TNIP1: variants seen among roughly 807,000 people sequenced by gnomAD.
TNIP1 encodes the protein TNFAIP3-interacting protein 1.
TNIP1 carries 22 observed loss-of-function variants against 86.6 expected under a neutral mutation model. That is an observed-to-expected ratio of 0.25 (90% CI 0.18 to 0.36). TNIP1 has a LOEUF of 0.36. Among genes scored for constraint, TNIP1 ranks in the 10% least tolerant of loss-of-function variants. TNIP1 has a pLI of 1.00. For synonymous variants in TNIP1, 294 were observed against 313.0 expected, an observed-to-expected ratio of 0.94 and a Z score of 0.64; for missense variants, 709 against 820.6, an observed-to-expected ratio of 0.86 and a Z score of 1.66.
At chr5:151,083,618 C>T (rs1376119473), upstream of TNIP1, among the ~76,000 whole-genome samples, 2 of 152,174 alleles carry the variant, frequency 1.3e-5, no homozygotes, top group Non-Finnish European at 2.9e-5. Flanking sequence ...AAAGCCACAC[C>T]CAGAAGGAGA....
rs917094820 is a variant in TNIP1 at position 151,030,447 on chromosome 5, G to A, written c.*266C>T. 5.2e-5 allele frequency: 29 copies of A among 561,910 alleles called. No individual in the cohort carries two copies. Among genetic ancestry groups the A allele is most frequent in the Non-Finnish European group, 8.9e-5 (28 of 315,512 alleles). 34.8% of individuals were successfully genotyped at this position (561,910 alleles called of 1,614,324 possible). Reference sequence around the variant, plus strand: ...CTGCAACGGATGGTGGGTCAAAGCCGGATGAGGCCTCTCTCCACTCAGCAG... The same window carrying A: ...CTGCAACGGATGGTGGGTCAAAGCCAGATGAGGCCTCTCTCCACTCAGCAG... On this transcript the variant is annotated 3_prime_UTR_variant, in exon 18 of 18. Transcript: ENST00000521591.
chr5:151,087,403 G>A (rs1399935476), upstream of TNIP1, among the ~76,000 whole-genome samples: 1 of 152,140 alleles, frequency 6.6e-6, no homozygotes, highest in Non-Finnish European at 1.5e-5. Flanking sequence ...TTGGAAGCCT[G>A]ATGCTTCCTC....
chr5:151,042,407 G>A, intron 11 of TNIP1, 133 bp downstream of exon 11: 1 of 1,239,130 alleles, frequency 8.1e-7, no homozygotes, highest in African/African-American at 1.5e-5. Flanking sequence ...ACGTGCCTGT[G>A]TTTTTGGTCA....
chr5:151,046,094 C>T, intron 8 of TNIP1, 144 bp from the exon 9 acceptor site: 1 of 668,312 alleles, frequency 1.5e-6, no homozygotes, highest in Non-Finnish European at 2.6e-6. Context: ...CACCACTAAC[C>T]ATCCCAGTCA....
At position 151,030,356 on chromosome 5, in the gene TNIP1, G is replaced by A. The variant is rs545119257; in HGVS notation, c.*357C>T. ...AACTAGAGGGCCTGAAACCACTTCC[G>A]GGAGGTTTTGAAGGAAGGGGGTCTT... On this transcript the variant is annotated 3_prime_UTR_variant, in exon 18 of 18. Transcript: ENST00000521591. 6.0e-4 allele frequency: 261 copies of A among 438,140 alleles called. 5 individuals are homozygous for A. The highest frequency in any genetic ancestry group is 5.2e-3 in the South Asian group (254 of 48,762). 27.1% of individuals were successfully genotyped at this position (438,140 alleles called of 1,614,324 possible).
intron 1 of TNIP1, among the ~76,000 whole-genome samples, chr5:151,067,428 G>T (rs961579957): frequency 1.3e-5 from 2 of 152,216 alleles, no homozygotes; most frequent in Non-Finnish European, 2.9e-5. Flanking sequence ...TTGTATTCCT[G>T]TCGGGAGCAC....
At chr5:151,058,695 C>T (rs571155493) in intron 5 of TNIP1, among the ~76,000 whole-genome samples, 5 of 152,170 alleles carry the variant, frequency 3.3e-5, no homozygotes, top group Admixed American at 2.6e-4. Flanking sequence ...AGCAGCCTCC[C>T]GGAAACAGTT....
At chr5:151,031,649 C>T (rs1037668387) in intron 17 of TNIP1, among the ~76,000 whole-genome samples, 6 of 152,128 alleles carry the variant, frequency 3.9e-5, no homozygotes, top group African/African-American at 9.7e-5. Context: ...CAGGCCTGCA[C>T]GGTCAGGACC....
upstream of TNIP1, among the ~76,000 whole-genome samples, chr5:151,084,269 ACC>A (rs1444988326): frequency 2.0e-5 from 3 of 151,998 alleles, no homozygotes; most frequent in Non-Finnish European, 4.4e-5. Context: ...ACATGGTGAA[ACC>A]CCGTCTCTAC....
At chr5:151,085,009 A>G (rs1764225378), upstream of TNIP1, among the ~76,000 whole-genome samples, 1 of 152,228 alleles carries the variant, frequency 6.6e-6, no homozygotes, top group African/African-American at 2.4e-5. Context: ...GCCTAAGAAG[A>G]CATTTTTAAT....
chr5:151,033,695 G>A lies in TNIP1; in HGVS notation c.1692C>T (p.Phe564=), dbSNP rs764036761. ...PMPAMVPHHG[F]EDWSQIRYPP... is the part of the protein sequence containing the mutation. ...GGTAGCGGATCTGGGACCAGTCCTC[G>A]AAGCCATGGTGTGGCACCATGGCTG... The change falls in exon 16 of 18, where the codon TTC becomes TTT. Residue 564 remains phenylalanine (F), a synonymous_variant. Coordinates refer to ENST00000521591, the MANE Select transcript of TNIP1 (RefSeq NM_006058.5). The A allele has an allele frequency of 2.2e-6, 3 of 1,353,288 alleles. No homozygotes were observed. The highest frequency in any genetic ancestry group is 2.3e-5 in the South Asian group (1 of 43,578). 83.8% of individuals were successfully genotyped at this position (1,353,288 alleles called of 1,614,324 possible). A position where few individuals can be genotyped will look rare whatever the true frequency, so the allele number is the denominator to read the frequency against.
intron 1 of TNIP1, among the ~76,000 whole-genome samples, chr5:151,079,057 A>G (rs1195600547): frequency 6.6e-6 from 1 of 152,164 alleles, no homozygotes; most frequent in East Asian, 1.9e-4. Context: ...GCCATGCCAT[A>G]CCCATGGAAC....
chr5:151,053,177 T>C (rs1760195337), intron 6 of TNIP1, among the ~76,000 whole-genome samples: 2 of 138,576 alleles, frequency 1.4e-5, no homozygotes, highest in South Asian at 4.9e-4. Flanking sequence ...TAGCATGATC[T>C]CAGCTCACTG....
At chr5:151,063,997 C>G (rs937993072) in intron 2 of TNIP1, among the ~76,000 whole-genome samples, 1 of 152,196 alleles carries the variant, frequency 6.6e-6, no homozygotes, top group African/African-American at 2.4e-5. Context: ...ATGAGAAACT[C>G]CTCGGCTCCC....
Position 151,063,717 on chromosome 5 carries a change from G to A in TNIP1, c.167C>T (p.Ala56Val), listed in dbSNP as rs775574277. 2.2e-5 allele frequency: 36 copies of A among 1,614,074 alleles called. No individual in the cohort carries two copies. The highest frequency in any genetic ancestry group is 4.4e-5 in the South Asian group (4 of 91,076). The part of the protein sequence containing the change: ...GELLEESQME[A>V]TRLRQKAEEL... Reference sequence around the variant, plus strand: ...CTCTGCCTTCTGCCGGAGCCTGGTCGCTTCCATCTGGGACTCTTCCAAAAG... The same window carrying A: ...CTCTGCCTTCTGCCGGAGCCTGGTCACTTCCATCTGGGACTCTTCCAAAAG... The change falls in exon 3 of 18, where the codon GCG (alanine) becomes GTG (valine). Residue 56 changes from alanine (A) to valine (V), a missense_variant. By Grantham distance (64) the Ala-to-Val change is moderately conservative. Transcript: ENST00000521591.
At chr5:151,063,461 A>T in intron 3 of TNIP1, 152 bp downstream of exon 3, 1 of 1,161,756 alleles carries the variant, frequency 8.6e-7, no homozygotes, top group Non-Finnish European at 1.2e-6. Context: ...CTTCTGGGGG[A>T]TGTGGCAGCC....
upstream of TNIP1, among the ~76,000 whole-genome samples, chr5:151,082,819 A>G (rs1279004662): frequency 1.3e-5 from 2 of 152,144 alleles, no homozygotes; most frequent in East Asian, 1.9e-4. Flanking sequence ...GAGAAAACTC[A>G]TTTATTTATA....
Position 151,063,674 on chromosome 5 carries a change from G to C in TNIP1, c.210C>G (p.Asn70Lys), listed in dbSNP as rs756582058. Residue 70 changes from asparagine to lysine, a missense_variant, in exon 3 of 18, where the codon AAC becomes AAG. Physicochemically the swap from Asn to Lys is moderately conservative, Grantham distance 94 (BLOSUM62 0). Transcript: ENST00000521591. ...AGGGAGAAGGTGGTGGGAGCAGCTC[G>C]TTGTCCTTCACTAGCTCCTCTGCCT... ...RQKAEELVKD[N>K]ELLPPPSPSL... The C allele has an allele frequency of 2.5e-6, 4 of 1,614,024 alleles. No individual in the cohort carries two copies. The East Asian group carries it at 8.9e-5, about 36-fold the overall frequency.
chr5:151,042,755 C>A, intron 10 of TNIP1, 84 bp from the exon 11 acceptor site: 1 of 1,597,018 alleles, frequency 6.3e-7, no homozygotes, highest in Non-Finnish European at 8.5e-7. Context: ...TGCCCCTGGG[C>A]CCTCCAACAC....
Sources: gnomAD v4.1 joint callset for allele counts (sites outside exome capture counted in the v4.1 genomes callset) on GRCh38, gnomAD v4.1.1 for gene constraint, MANE v1.5 for transcripts, NCBI Gene and HGNC (gene_info 2026-07-23, HGNC 2026-07-21) for gene names.